Variants in SMURF2 observed in about 807,000 individuals in gnomAD.
SMURF2 encodes SMAD specific E3 ubiquitin protein ligase 2.
In SMURF2, 48 loss-of-function variants were observed where a neutral mutation model predicts 109.6. The observed-to-expected ratio is 0.44, with a 90% CI of 0.35 to 0.56. The LOEUF (loss-of-function observed/expected upper bound fraction) is 0.56. Among genes scored for constraint, SMURF2 ranks in the 20% least tolerant of loss-of-function variants. The pLI is 0.01. For missense variants in SMURF2, 575 were observed against 909.0 expected (o/e 0.63, Z 4.72); for synonymous variants, 288 against 317.1 (o/e 0.91, Z 0.97).
chr17:64,632,543 ACTT>A (rs1970365412), intron 1 of SMURF2, among the ~76,000 whole-genome samples: 1 of 152,160 alleles, frequency 6.6e-6, no homozygotes, highest in Admixed American at 6.5e-5. Flanking sequence ...ACAAACAAAA[ACTT>A]CTCTTAATTC....
intron 1 of SMURF2, among the ~76,000 whole-genome samples, chr17:64,608,394 A>G (rs1038716406): frequency 6.6e-6 from 1 of 152,188 alleles, no homozygotes; most frequent in Non-Finnish European, 1.5e-5. Flanking sequence ...CCCTTAGGCC[A>G]TGTCTTAGAG....
Position 64,547,287 on chromosome 17 carries a change from G to A in SMURF2, c.2071+313C>T, listed in dbSNP as rs1968971573. Among the ~76,000 whole-genome samples, 1 of 152,140 alleles carries A rather than the reference G, an allele frequency of 6.6e-6. No individual in the cohort carries two copies. Among genetic ancestry groups the A allele is most frequent in the African/African-American group, 2.4e-5 (1 of 41,426 alleles). ...TTTCACCAGGTCAAGATGTGAACATGGAAGTGAACGACTTCCCTACAGGAA... is the reference window on the plus strand; with the variant it reads ...TTTCACCAGGTCAAGATGTGAACATAGAAGTGAACGACTTCCCTACAGGAA... On this transcript the variant is annotated intron_variant, in intron 17 of 18. Coordinates refer to ENST00000262435, the MANE Select transcript of SMURF2 (RefSeq NM_022739.4). This position sits in a 1 kb window ranked among gnomAD's most constrained non-coding sequence, Gnocchi z 4.2.
At chr17:64,593,684 G>A in intron 3 of SMURF2, 111 bp from the exon 4 acceptor site, 1 of 844,090 alleles carries the variant, frequency 1.2e-6, no homozygotes, top group East Asian at 2.8e-5. Flanking sequence ...TCAGAATCTG[G>A]CTAGATTATG....
chr17:64,617,841 T>G (rs907053797), intron 1 of SMURF2, among the ~76,000 whole-genome samples: 1 of 152,132 alleles, frequency 6.6e-6, no homozygotes, highest in African/African-American at 2.4e-5. Context: ...ACTTAAAAAT[T>G]TTTTTTCAAC....
At chr17:64,645,452 T>C (rs113329875) in intron 1 of SMURF2, among the ~76,000 whole-genome samples, 228 of 152,094 alleles carry the variant, frequency 1.5e-3, no homozygotes, top group African/African-American at 5.4e-3. Context: ...TCTCTGGAGG[T>C]TGAGGCAGGA....
intron 1 of SMURF2, among the ~76,000 whole-genome samples, chr17:64,648,857 T>C (rs542083456): frequency 1.3e-5 from 2 of 152,310 alleles, no homozygotes; most frequent in African/African-American, 4.8e-5. Context: ...ATCTATCAAA[T>C]GCCGTTTTAC....
chr17:64,555,009 G>A lies in SMURF2; in HGVS notation c.1611-16C>T. The A allele has an allele frequency of 6.2e-7, 1 of 1,606,892 alleles. No individual in the cohort carries two copies. Among genetic ancestry groups the A allele is most frequent in the Non-Finnish European group, 8.5e-7 (1 of 1,176,970 alleles). On this transcript the variant is annotated splice_polypyrimidine_tract_variant and intron_variant, in intron 14 of 18. Transcript: ENST00000262435. ...ATCATTCTCACTGGATAGGAAAGAG[G>A]AAAAGATATGTAACTGGGAAACCTA...
At chr17:64,653,488 C>T (rs1970665333) in intron 1 of SMURF2, among the ~76,000 whole-genome samples, 1 of 149,892 alleles carries the variant, frequency 6.7e-6, no homozygotes, top group African/African-American at 2.5e-5. Flanking sequence ...TTTTTTGAGA[C>T]AGAGTCACCC....
rs1555683111 is a variant in SMURF2, at chr17:64,546,338, C to T, written c.2072G>A (p.Gly691Asp). 1.9e-6 allele frequency: 3 copies of T among 1,613,660 alleles called. No individual in the cohort carries two copies. The highest frequency in any genetic ancestry group is 2.5e-6 in the Non-Finnish European group (3 of 1,179,818). Residue 691 changes from glycine to aspartate, a missense_variant and splice_region_variant, in exon 18 of 19, where the codon GGT (glycine) becomes GAT (aspartate). This residue lies in a region of SMURF2 where 361 missense variants were observed against 612.1 expected (regional missense o/e 0.59). Coordinates refer to ENST00000262435, the MANE Select transcript of SMURF2 (RefSeq NM_022739.4). Reference protein sequence around the residue: ...VPLQGFKALQGAAGPRLFTIH... With the variant: ...VPLQGFKALQDAAGPRLFTIH... ...GGTAAAGAGTCTCGGGCCTGCAGCA[C>T]CTGCAAATGAAGGAAATGTGGATGA...
At chr17:64,552,320 C>T (rs1439540257) in intron 15 of SMURF2, among the ~76,000 whole-genome samples, 11 of 152,106 alleles carry the variant, frequency 7.2e-5, no homozygotes, top group Non-Finnish European at 1.0e-4. Flanking sequence ...TGTGAATGTA[C>T]GATTTATAAG....
rs868959326 is a variant in SMURF2, at chr17:64,580,692, G to A, written c.772+97C>T. 7 of 1,245,620 alleles carry A rather than the reference G, an allele frequency of 5.6e-6. 1 individual carries two copies. Among genetic ancestry groups the A allele is most frequent in the African/African-American group, 1.5e-5 (1 of 66,818 alleles). 77.2% of individuals were successfully genotyped at this position (1,245,620 alleles called of 1,614,324 possible). A position where few individuals can be genotyped will look rare whatever the true frequency, so the allele number is the denominator to read the frequency against. On this transcript the variant is annotated intron_variant, in intron 8 of 18. Transcript: ENST00000262435. ...ATTTATTTTCATGCAGAATCCCTAA[G>A]CTCAGATTAATAACTTTTTCAAAAT...
In SMURF2 at chr17:64,542,357, ATAGT is replaced by A. The variant is rs1289341662; in HGVS notation, c.*3487_*3490del. 1 of 152,344 alleles carries A rather than the reference ATAGT, an allele frequency of 6.6e-6. No homozygotes were observed. Among genetic ancestry groups the A allele is most frequent in the Non-Finnish European group, 1.5e-5 (1 of 68,030 alleles). The allele number at this position is 152,344 out of a possible 1,614,324, so 9.4% of individuals were successfully genotyped here. Reference sequence around the variant, plus strand: ...GCTCGACTTCGGCATGGGCACATACATAGTTAATTTTTAAAAACCATTTATACAG... The same window carrying A: ...GCTCGACTTCGGCATGGGCACATACATAATTTTTAAAAACCATTTATACAG... On this transcript the variant is annotated 3_prime_UTR_variant, in exon 19 of 19. Transcript: ENST00000262435.
intron 1 of SMURF2, among the ~76,000 whole-genome samples, chr17:64,627,909 T>TA (rs1351568613): frequency 1.3e-5 from 2 of 152,154 alleles, no homozygotes; most frequent in Non-Finnish European, 2.9e-5. Flanking sequence ...ACAGCGCGCT[T>TA]AGACTTTGTG....
At chr17:64,595,547 G>A (rs1969805110) in intron 3 of SMURF2, among the ~76,000 whole-genome samples, 1 of 152,152 alleles carries the variant, frequency 6.6e-6, no homozygotes, top group Non-Finnish European at 1.5e-5. Context: ...AAGGGAGAGA[G>A]GGACACCTCT....
rs1275080907 is a variant in SMURF2, at chr17:64,593,819, C to T, written c.201-246G>A. On this transcript the variant is annotated intron_variant, in intron 3 of 18. Transcript: ENST00000262435. The stretch of plus-strand genomic sequence containing the variant: ...GCTATAATTCTAGTCAGTAAAAAGG[C>T]TATTTTAGTAGCTAATGTCTAATAA... Among the ~76,000 whole-genome samples the T allele has an allele frequency of 2.6e-5, 4 of 152,184 alleles. 1 individual carries two copies. The highest frequency in any genetic ancestry group is 2.4e-5 in the African/African-American group (1 of 41,532).
intron 1 of SMURF2, among the ~76,000 whole-genome samples, chr17:64,638,125 C>A (rs1276522426): frequency 1.4e-5 from 2 of 145,182 alleles, no homozygotes; most frequent in Non-Finnish European, 3.0e-5. Flanking sequence ...TGCAGTGGCA[C>A]GATCTTGGCG....
intron 12 of SMURF2, among the ~76,000 whole-genome samples, chr17:64,559,185 AAAT>A (rs2144599819): frequency 6.6e-6 from 1 of 152,032 alleles, no homozygotes; most frequent in African/African-American, 2.4e-5. Flanking sequence ...TTTAGAACAC[AAAT>A]AAGAGCAGAA....
intron 2 of SMURF2, among the ~76,000 whole-genome samples, chr17:64,600,245 TA>T (rs1969875333): frequency 1.3e-5 from 2 of 152,084 alleles, no homozygotes; most frequent in Non-Finnish European, 2.9e-5. Flanking sequence ...TAATACAAAT[TA>T]ATAAGAAACT....
chr17:64,641,016 T>G (rs1304924399), intron 1 of SMURF2, among the ~76,000 whole-genome samples: 4 of 152,042 alleles, frequency 2.6e-5, no homozygotes, highest in Non-Finnish European at 5.9e-5. Flanking sequence ...TATAATATTT[T>G]TTCAATACAA....
Sources: allele counts gnomAD v4.1 joint callset (sites outside exome capture counted in the v4.1 genomes callset), GRCh38; gene constraint gnomAD v4.1.1; regional missense constraint gnomAD v4.1.1; non-coding constraint Gnocchi (gnomAD v3.1); transcripts MANE v1.5; gene names NCBI Gene and HGNC (gene_info 2026-07-23, HGNC 2026-07-21).